DNA2: variants seen among roughly 807,000 people sequenced by gnomAD.
DNA2 encodes DNA replication helicase/nuclease 2.
DNA2 carries 101 observed loss-of-function variants against 119.1 expected under a neutral mutation model. That is an observed-to-expected ratio of 0.85 (90% CI 0.72 to 1.00). The LOEUF (loss-of-function observed/expected upper bound fraction) is 1.00, where lower values mean the gene tolerates loss of function less well. DNA2 is among the 50% of genes least tolerant of loss of function. The pLI is 0.00. For synonymous variants in DNA2, 366 were observed against 424.4 expected, an observed-to-expected ratio of 0.86 and a Z score of 1.69; for missense variants, 1,121 against 1,255.5, an observed-to-expected ratio of 0.89 and a Z score of 1.62.
At chr10:68,428,074 T>A (rs2133372563) in intron 14 of DNA2, among the ~76,000 whole-genome samples, 1 of 149,178 alleles carries the variant, frequency 6.7e-6, no homozygotes, top group Non-Finnish European at 1.5e-5. Flanking sequence ...ACGCCTGTAA[T>A]CCCAACACTT....
At chr10:68,416,334 A>C (rs61855089) in intron 20 of DNA2, among the ~76,000 whole-genome samples, 16,697 of 152,104 alleles carry the variant, frequency 0.11, 1,122 homozygotes, top group South Asian at 0.24. Flanking sequence ...GGCATGGTGG[A>C]ATGCACCTGT....
intron 5 of DNA2, 68 bp from the exon 6 acceptor site, chr10:68,450,315 G>C (rs2052102369): frequency 6.7e-6 from 8 of 1,190,794 alleles, no homozygotes; most frequent in Non-Finnish European, 9.5e-6. Context: ...TGCTGGCTCT[G>C]ACTGCCTATT....
At chr10:68,443,477 G>C (rs10998172) in intron 8 of DNA2, among the ~76,000 whole-genome samples, 3,203 of 152,164 alleles carry the variant, frequency 0.021, 209 homozygotes, top group East Asian at 0.11. Flanking sequence ...AAAACACAGA[G>C]AATCATTTGG....
chr10:68,471,666 A>G lies in DNA2; in HGVS notation c.74+125T>C, dbSNP rs972086750. 5 of 1,209,530 alleles carry G rather than the reference A, an allele frequency of 4.1e-6. No homozygotes were observed. In the Admixed American group the frequency reaches 1.6e-4, roughly 39 times the overall value. 74.9% of individuals were successfully genotyped at this position (1,209,530 alleles called of 1,614,324 possible). A position where few individuals can be genotyped will look rare whatever the true frequency, so the allele number is the denominator to read the frequency against. ...GACTCCGGAGGCTCGTCGGGTGCCCAGGGAGCTGCACCGGGTCCCTGGGCC... is the reference window on the plus strand; with the variant it reads ...GACTCCGGAGGCTCGTCGGGTGCCCGGGGAGCTGCACCGGGTCCCTGGGCC... On this transcript the variant is annotated intron_variant, in intron 1 of 20. Coordinates refer to ENST00000358410, the MANE Select transcript of DNA2 (RefSeq NM_001080449.3).
At chr10:68,470,529 G>A (rs1319614584) in intron 1 of DNA2, 1 of 431,806 alleles carries the variant, frequency 2.3e-6, no homozygotes, top group Non-Finnish European at 4.5e-6. Flanking sequence ...TGGAAGGACT[G>A]CTTGAGCCCA....
intron 4 of DNA2, among the ~76,000 whole-genome samples, chr10:68,464,182 T>G (rs2052296829): frequency 6.6e-6 from 1 of 152,156 alleles, no homozygotes; most frequent in Non-Finnish European, 1.5e-5. Context: ...AAATGTAAAC[T>G]TGGACAATGT....
chr10:68,458,922 T>C (rs2052220490), intron 5 of DNA2, among the ~76,000 whole-genome samples, 182 bp downstream of exon 5: 1 of 152,032 alleles, frequency 6.6e-6, no homozygotes, highest in Non-Finnish European at 1.5e-5. Context: ...GAAAATAAAA[T>C]TTTCTATTCA....
rs770817360 is a variant in DNA2 at position 68,471,931 on chromosome 10, T to A, written c.-67A>T. 1.9e-6 allele frequency: 3 copies of A among 1,613,374 alleles called. No individual in the cohort carries two copies. The highest frequency in any genetic ancestry group is 1.7e-5 in the Admixed American group (1 of 60,006). On this transcript the variant is annotated 5_prime_UTR_variant, in exon 1 of 21. An upstream open reading frame in the 5' UTR gains an earlier in-frame stop. Coordinates refer to ENST00000358410, the MANE Select transcript of DNA2 (RefSeq NM_001080449.3). ...GGAACCGGGGGTAACACAGAAAGCT[T>A]AGAAAAGGGAAAAAGGCGCGAGCCT...
intron 18 of DNA2, 154 bp from the exon 19 acceptor site, chr10:68,419,367 T>A: frequency 1.6e-6 from 1 of 622,920 alleles, no homozygotes; most frequent in Non-Finnish European, 2.6e-6. Flanking sequence ...GAATTTGCTC[T>A]AAATCTGTCC....
chr10:68,459,354 G>A, intron 4 of DNA2, 119 bp from the exon 5 acceptor site: 1 of 1,039,578 alleles, frequency 9.6e-7, no homozygotes. Context: ...ATACATATAA[G>A]CAACCCAACT....
At chr10:68,424,832 C>A in intron 14 of DNA2, 1 of 892,030 alleles carries the variant, frequency 1.1e-6, no homozygotes, top group Non-Finnish European at 1.9e-6. Context: ...AGTAGGCCAA[C>A]AGCACAACCG....
chr10:68,443,238 G>T, intron 8 of DNA2, 127 bp from the exon 9 acceptor site: 1 of 826,100 alleles, frequency 1.2e-6, no homozygotes, highest in Non-Finnish European at 1.8e-6. Flanking sequence ...AGCCCCTAAT[G>T]TTCCTTAAAA....
At chr10:68,436,924 C>A (rs1160761615) in intron 10 of DNA2, 87 bp downstream of exon 10, 1 of 1,079,400 alleles carries the variant, frequency 9.3e-7, no homozygotes, top group African/African-American at 1.6e-5. Flanking sequence ...TAAAAACCAG[C>A]GAATTGTACA....
chr10:68,459,018 C>A, intron 5 of DNA2, 86 bp downstream of exon 5: 1 of 1,210,150 alleles, frequency 8.3e-7, no homozygotes, highest in African/African-American at 1.5e-5. Flanking sequence ...ATTACTCAAT[C>A]TTTAAAAACT....
intron 5 of DNA2, among the ~76,000 whole-genome samples, chr10:68,458,895 T>C (rs1040456949): frequency 3.9e-5 from 6 of 151,928 alleles, no homozygotes; most frequent in Non-Finnish European, 8.8e-5. Context: ...ATATAGAAAA[T>C]AAGCTATCAT....
At chr10:68,424,420 C>G in intron 14 of DNA2, 5 of 492,316 alleles carry the variant, frequency 1.0e-5, no homozygotes, top group Non-Finnish European at 1.9e-5. Flanking sequence ...AGGAGGATCA[C>G]TTGAGCCAAG....
chr10:68,427,160 A>G (rs10823194), intron 14 of DNA2, among the ~76,000 whole-genome samples: 37,584 of 151,368 alleles, frequency 0.25, 6,060 homozygotes, highest in African/African-American at 0.46. Context: ...CCTGAGGTCA[A>G]GAGTTCGAGA....
chr10:68,431,652 C>T (rs1248498889), intron 13 of DNA2, among the ~76,000 whole-genome samples: 2 of 152,140 alleles, frequency 1.3e-5, no homozygotes, highest in African/African-American at 4.8e-5. Context: ...TAACGGAAAG[C>T]GATCTTAGAA....
chr10:68,456,024 C>T (rs2052177955), intron 5 of DNA2, among the ~76,000 whole-genome samples: 1 of 152,014 alleles, frequency 6.6e-6, no homozygotes, highest in Non-Finnish European at 1.5e-5. Flanking sequence ...TCGAGACTAG[C>T]CATCCTGGGT....
Sources: allele counts gnomAD v4.1 joint callset (sites outside exome capture counted in the v4.1 genomes callset), GRCh38; gene constraint gnomAD v4.1.1; transcripts MANE v1.5; gene names NCBI Gene and HGNC (gene_info 2026-07-23, HGNC 2026-07-21).